Variants in INPP5F observed in about 807,000 individuals in gnomAD.
INPP5F encodes inositol polyphosphate-5-phosphatase F.
INPP5F carries 97 observed loss-of-function variants against 137.2 expected under a neutral mutation model. That is an observed-to-expected ratio of 0.71 (90% CI 0.60 to 0.84). The LOEUF (loss-of-function observed/expected upper bound fraction) is 0.84. Ranked by LOEUF, INPP5F falls within the 40% of genes least tolerant of loss-of-function variation. INPP5F has a pLI of 0.00. For synonymous variants in INPP5F, 504 were observed against 476.9 expected, an observed-to-expected ratio of 1.06 and a Z score of -0.74; for missense variants, 1,271 against 1,371.9, an observed-to-expected ratio of 0.93 and a Z score of 1.16.
chr10:119,744,698 C>T (rs1448777858), intron 1 of INPP5F, among the ~76,000 whole-genome samples: 2 of 152,070 alleles, frequency 1.3e-5, no homozygotes, highest in Admixed American at 6.6e-5. Context: ...ACTACAGGTG[C>T]GTGCCGCCAC....
At chr10:119,733,291 T>C (rs1848136547) in intron 1 of INPP5F, among the ~76,000 whole-genome samples, 2 of 152,238 alleles carry the variant, frequency 1.3e-5, no homozygotes, top group South Asian at 2.1e-4. Context: ...AAAATTCATA[T>C]AGTTACAGGG....
intron 9 of INPP5F, among the ~76,000 whole-genome samples, chr10:119,800,158 T>C (rs111456471): frequency 7.2e-4 from 109 of 152,078 alleles, no homozygotes; most frequent in African/African-American, 2.4e-3. Flanking sequence ...AAAAAACTTG[T>C]ATTTGTTAAG....
Position 119,796,828 on chromosome 10 carries a change from C to G in INPP5F, c.783C>G (p.Thr261=), listed in dbSNP as rs1458453974. 6.2e-7 allele frequency: 1 copy of G among 1,613,240 alleles called. No homozygotes were observed. The highest frequency in any genetic ancestry group is 1.7e-5 in the Admixed American group (1 of 59,858). ...ATGATGAGAAAAGCAGCCCAGAGAC[C>G]CCCCCTCAGGAGTCCACCTGTGTAG... ...SSDDEKSSPE[T]PPQESTCVDD... Residue 261 remains threonine (T), a synonymous_variant, in exon 7 of 20, where the codon ACC becomes ACG. Coordinates refer to ENST00000650623, the MANE Select transcript of INPP5F (RefSeq NM_014937.4).
At chr10:119,761,020 T>C (rs1848994275) in intron 2 of INPP5F, among the ~76,000 whole-genome samples, 1 of 152,248 alleles carries the variant, frequency 6.6e-6, no homozygotes, top group African/African-American at 2.4e-5. Flanking sequence ...CAGTACTTAA[T>C]AATTTAGACT....
chr10:119,810,316 T>C (rs933122974), intron 14 of INPP5F, 99 bp downstream of exon 14: 3 of 640,702 alleles, frequency 4.7e-6, no homozygotes, highest in Admixed American at 2.8e-5. Flanking sequence ...TATTTTGTAA[T>C]ATACTTGTGT....
In INPP5F at chr10:119,819,335, G is replaced by T. The variant is rs1464845477; in HGVS notation, c.1887-1511G>T. ...GGTGGGGGGAGGGTTGACATTTTCC[G>T]ACTGCCTGTTACGTGCCAAGTGCTT... On this transcript the variant is annotated intron_variant, in intron 15 of 19. Transcript: ENST00000650623. 27 of 1,095,280 alleles carry T rather than the reference G, an allele frequency of 2.5e-5. No individual in the cohort carries two copies. The South Asian group carries it at 4.0e-4, about 16-fold the overall frequency. The allele number at this position is 1,095,280 out of a possible 1,614,324, so 67.8% of individuals were successfully genotyped here.
chr10:119,826,095 G>C (rs1851748130), intron 19 of INPP5F: 1 of 397,560 alleles, frequency 2.5e-6, no homozygotes, highest in Non-Finnish European at 4.4e-6. Flanking sequence ...GCCACACTGG[G>C]ATGTGTATAG....
chr10:119,795,007 G>A (rs1413425829), intron 6 of INPP5F, among the ~76,000 whole-genome samples: 1 of 136,226 alleles, frequency 7.3e-6, no homozygotes, highest in African/African-American at 2.8e-5. Context: ...CCCGGATGGG[G>A]CGGCTGGCCG....
chr10:119,747,316 G>C (rs1382193944), intron 1 of INPP5F, among the ~76,000 whole-genome samples: 5 of 151,690 alleles, frequency 3.3e-5, no homozygotes, highest in Non-Finnish European at 5.9e-5. Context: ...CTCCACTCCT[G>C]GTTCAAGCAA....
intron 2 of INPP5F, among the ~76,000 whole-genome samples, chr10:119,755,103 A>G (rs1333610807): frequency 2.0e-5 from 3 of 152,216 alleles, no homozygotes; most frequent in East Asian, 3.8e-4. Flanking sequence ...GGCGTGGGTG[A>G]GCAATGCCGC....
intron 1 of INPP5F, among the ~76,000 whole-genome samples, chr10:119,749,993 T>C (rs994940883): frequency 6.6e-6 from 1 of 152,018 alleles, no homozygotes; most frequent in Non-Finnish European, 1.5e-5. Context: ...GGTCTCGAAC[T>C]CCTGACCTCA....
At chr10:119,732,275 A>G (rs886336136) in intron 1 of INPP5F, among the ~76,000 whole-genome samples, 1 of 151,792 alleles carries the variant, frequency 6.6e-6, no homozygotes, top group African/African-American at 2.4e-5. Context: ...GAGCTCAGGT[A>G]TTCTGCCTGC....
At chr10:119,824,598 T>A (rs1851692478) in intron 19 of INPP5F, among the ~76,000 whole-genome samples, 1 of 152,226 alleles carries the variant, frequency 6.6e-6, no homozygotes, top group Non-Finnish European at 1.5e-5. Context: ...CTGCCAGGAT[T>A]CTGCACTGCA....
intron 12 of INPP5F, among the ~76,000 whole-genome samples, chr10:119,807,680 T>C (rs1850849562): frequency 6.6e-6 from 1 of 152,188 alleles, no homozygotes; most frequent in Admixed American, 6.5e-5. Flanking sequence ...AGACAAAATA[T>C]AATAGTATGA....
chr10:119,772,610 G>C (rs1258768946), intron 2 of INPP5F, among the ~76,000 whole-genome samples: 1 of 152,128 alleles, frequency 6.6e-6, no homozygotes, highest in Non-Finnish European at 1.5e-5. Flanking sequence ...TCTGCTCTGA[G>C]ATGATAAAGA....
chr10:119,746,070 C>G lies in INPP5F; in HGVS notation c.98-5006C>G, dbSNP rs578190415. On this transcript the variant is annotated intron_variant, in intron 1 of 19. Coordinates refer to ENST00000650623, the MANE Select transcript of INPP5F (RefSeq NM_014937.4). ...GTTTACTTTTCTAGCATTATCAATT[C>G]ATATCTCCAGTGTACCTACTGGTCT... 5.9e-5 allele frequency among the ~76,000 whole-genome samples: 9 copies of G among 152,232 alleles called. No homozygotes were observed. The South Asian group carries it at 1.9e-3, about 32-fold the overall frequency.
chr10:119,773,407 G>A (rs142222733), intron 2 of INPP5F, among the ~76,000 whole-genome samples: 66 of 152,284 alleles, frequency 4.3e-4, no homozygotes, highest in African/African-American at 1.5e-3. Flanking sequence ...TGTTACATGA[G>A]TATATTGCAT....
At chr10:119,738,916 T>C (rs1311209805) in intron 1 of INPP5F, among the ~76,000 whole-genome samples, 1 of 152,090 alleles carries the variant, frequency 6.6e-6, no homozygotes, top group Non-Finnish European at 1.5e-5. Context: ...GCATGGTGGC[T>C]CATGCCTGTA....
intron 9 of INPP5F, among the ~76,000 whole-genome samples, chr10:119,802,277 G>C (rs542550981): frequency 6.6e-6 from 1 of 152,142 alleles, no homozygotes; most frequent in Non-Finnish European, 1.5e-5. Context: ...AGGATCAGCC[G>C]ATATGCTGGC....
Sources: gnomAD v4.1 joint callset for allele counts (sites outside exome capture counted in the v4.1 genomes callset) on GRCh38, gnomAD v4.1.1 for gene constraint, MANE v1.5 for transcripts, NCBI Gene and HGNC (gene_info 2026-07-23, HGNC 2026-07-21) for gene names.